Variants in TRAPPC10 observed in about 807,000 individuals in gnomAD.
TRAPPC10 encodes the protein trafficking protein particle complex subunit 10.
TRAPPC10 carries 23 observed loss-of-function variants against 125.5 expected under a neutral mutation model. The ratio of observed to expected loss-of-function variants is 0.18; its 90% CI spans 0.13 to 0.26. The LOEUF is 0.26. TRAPPC10 is among the 10% of genes least tolerant of loss of function. The pLI is 1.00. For missense variants in TRAPPC10, 1,123 were observed against 1,308.4 expected (o/e 0.86, Z 2.19); for synonymous variants, 509 against 518.0 (o/e 0.98, Z 0.24).
At chr21:44,071,823 G>A (rs2036891360) in intron 7 of TRAPPC10, among the ~76,000 whole-genome samples, 1 of 152,220 alleles carries the variant, frequency 6.6e-6, no homozygotes, top group Admixed American at 6.5e-5. Context: ...CAGGCCCGGG[G>A]GAGGCTTTGC....
chr21:44,070,100 C>CA (rs1569192475), intron 7 of TRAPPC10, among the ~76,000 whole-genome samples: 1 of 152,096 alleles, frequency 6.6e-6, no homozygotes, highest in East Asian at 1.9e-4. Flanking sequence ...TGGTGACTGG[C>CA]AGGGAGTTCC....
chr21:44,083,316 GTGGGAACTTGA>G lies in TRAPPC10; in HGVS notation c.2238+15_2238+25del. On this transcript the variant is annotated intron_variant, in intron 14 of 22. Coordinates refer to ENST00000291574, the MANE Select transcript of TRAPPC10 (RefSeq NM_003274.5). The stretch of plus-strand genomic sequence containing the variant: ...TTCAGGACTCAGGTATGCGTTCAGG[GTGGGAACTTGA>G]CTTTCAAGTTTGTAAAGCAGGGCCG... The G allele has an allele frequency of 6.2e-7, 1 of 1,605,762 alleles. No homozygotes were observed. The highest frequency in any genetic ancestry group is 8.5e-7 in the Non-Finnish European group (1 of 1,175,060).
intron 7 of TRAPPC10, among the ~76,000 whole-genome samples, chr21:44,065,654 A>C (rs1270181738): frequency 6.6e-6 from 1 of 152,196 alleles, no homozygotes; most frequent in African/African-American, 2.4e-5. Context: ...TGATGCACAC[A>C]GCTGGCTGCG....
chr21:44,046,286 C>G, intron 3 of TRAPPC10: 1 of 239,442 alleles, frequency 4.2e-6, no homozygotes, highest in South Asian at 7.1e-5. Context: ...ACTGGAATCA[C>G]CAACACTGGA....
At chr21:44,033,473 C>A (rs1470152591) in intron 2 of TRAPPC10, among the ~76,000 whole-genome samples, 3 of 151,332 alleles carry the variant, frequency 2.0e-5, no homozygotes, top group African/African-American at 7.3e-5. Context: ...AAGAGTTTAG[C>A]AAATGGAGTA....
intron 7 of TRAPPC10, among the ~76,000 whole-genome samples, chr21:44,072,034 G>T (rs2255828): frequency 0.37 from 55,789 of 152,164 alleles, 14,242 homozygotes; most frequent in African/African-American, 0.73. Flanking sequence ...TTTGTTGTTT[G>T]TACCCCAGAA....
chr21:44,093,974 C>T (rs2038755958), intron 19 of TRAPPC10, 89 bp from the exon 20 acceptor site: 1 of 1,406,756 alleles, frequency 7.1e-7, no homozygotes, highest in Non-Finnish European at 9.7e-7. Context: ...GCTCAGCACC[C>T]TTCGCATGGC....
Position 44,059,366 on chromosome 21 carries a change from C to T in TRAPPC10, c.790+152C>T. The T allele has an allele frequency of 1.4e-6, 1 of 695,402 alleles. No homozygotes were observed. Among genetic ancestry groups the T allele is most frequent in the Admixed American group, 2.2e-5 (1 of 44,466 alleles). 43.1% of individuals were successfully genotyped at this position (695,402 alleles called of 1,614,324 possible). A position where few individuals can be genotyped will look rare whatever the true frequency, so the allele number is the denominator to read the frequency against. The stretch of plus-strand genomic sequence containing the variant: ...TATATCGGATATATTCTCGTGATTC[C>T]TAGAGGAAATGAAATGAGAATTAAG... On this transcript the variant is annotated intron_variant, in intron 6 of 22. Coordinates refer to ENST00000291574, the MANE Select transcript of TRAPPC10 (RefSeq NM_003274.5). The surrounding 1 kb of genome is among the most constrained non-coding windows in gnomAD (Gnocchi z 4.4).
chr21:44,079,295 C>A lies in TRAPPC10; in HGVS notation c.1470-269C>A, dbSNP rs143620845. On this transcript the variant is annotated intron_variant, in intron 11 of 22. Coordinates refer to ENST00000291574, the MANE Select transcript of TRAPPC10 (RefSeq NM_003274.5). The stretch of plus-strand genomic sequence containing the variant: ...CTGAGATTCAGCTATGAAAGTTCCT[C>A]GACATGTGTATAAAGCCAGACCAAC... Among the ~76,000 whole-genome samples the A allele has an allele frequency of 2.0e-5, 3 of 152,118 alleles. No individual in the cohort carries two copies. In the South Asian group the frequency reaches 6.2e-4, roughly 32 times the overall value.
chr21:44,039,694 G>T (rs967910775), intron 3 of TRAPPC10, among the ~76,000 whole-genome samples: 1 of 152,134 alleles, frequency 6.6e-6, no homozygotes, highest in South Asian at 2.1e-4. Flanking sequence ...GTGAAACCCC[G>T]TCTCTACTAA....
At chr21:44,012,854 G>A (rs2031302114) in intron 1 of TRAPPC10, among the ~76,000 whole-genome samples, 1 of 151,946 alleles carries the variant, frequency 6.6e-6, no homozygotes, top group Admixed American at 6.6e-5. Context: ...CGGCGTCGAG[G>A]GCGAGGAGCG....
At chr21:44,032,356 T>A (rs1458919955) in intron 2 of TRAPPC10, among the ~76,000 whole-genome samples, 184 bp downstream of exon 2, 1 of 151,946 alleles carries the variant, frequency 6.6e-6, no homozygotes, top group Non-Finnish European at 1.5e-5. Context: ...TGGGTCTTAT[T>A]CTTTATGGAA....
rs371459180 is a variant in TRAPPC10, at chr21:44,052,427, T to A, written c.433T>A (p.Ser145Thr). 1 of 1,611,650 alleles carries A rather than the reference T, an allele frequency of 6.2e-7. No individual in the cohort carries two copies. Among genetic ancestry groups the A allele is most frequent in the African/African-American group, 1.3e-5 (1 of 74,780 alleles). The change falls in exon 4 of 23, where the codon TCT (serine) becomes ACT (threonine). Residue 145 changes from serine (S) to threonine (T), a missense_variant. Transcript: ENST00000291574. ...KNKTNILPRTSIVDKIRNDFC... is the reference protein window; with the variant it reads ...KNKTNILPRTTIVDKIRNDFC... ...CAAAACCAACATCCTTCCCCGAACC[T>A]CTATTGTGGACAAAATAAGAAATGA...
At chr21:44,073,806 G>A (rs1369771749) in intron 7 of TRAPPC10, among the ~76,000 whole-genome samples, 4 of 151,982 alleles carry the variant, frequency 2.6e-5, no homozygotes, top group Admixed American at 6.6e-5. Flanking sequence ...GTAATTCCTC[G>A]TGTGATATTT....
chr21:44,019,159 T>A (rs2032209491), intron 1 of TRAPPC10, among the ~76,000 whole-genome samples: 1 of 152,030 alleles, frequency 6.6e-6, no homozygotes, highest in Admixed American at 6.6e-5. Flanking sequence ...TGGGGTCAGG[T>A]GATTCTCCCA....
chr21:44,078,550 C>T (rs1355252055), intron 11 of TRAPPC10, among the ~76,000 whole-genome samples: 3 of 151,596 alleles, frequency 2.0e-5, no homozygotes, highest in Non-Finnish European at 1.5e-5. Context: ...TGTGAATTGG[C>T]TGGAAAGGGA....
Position 44,083,137 on chromosome 21 carries a change from G to T in TRAPPC10, c.2073G>T (p.Thr691=), listed in dbSNP as rs1044685726. The change falls in exon 14 of 23, where the codon ACG becomes ACT. Residue 691 remains threonine (T), a synonymous_variant. Transcript: ENST00000291574. The part of the protein sequence containing the change: ...ERSPSDNSLN[T]TGIICRNVHM... ...GCCCATCTGATAACTCCTTGAACAC[G>T]ACTGGGATTATCTGCAGAAACGTCC... The T allele has an allele frequency of 1.9e-6, 3 of 1,614,030 alleles. No homozygotes were observed. The highest frequency in any genetic ancestry group is 1.3e-5 in the African/African-American group (1 of 74,900).
chr21:44,017,976 C>A (rs2032060015), intron 1 of TRAPPC10, among the ~76,000 whole-genome samples: 1 of 151,906 alleles, frequency 6.6e-6, no homozygotes, highest in South Asian at 2.1e-4. Context: ...TTTGGGAACC[C>A]GTGCTGTTAG....
chr21:44,046,104 A>T (rs2034787033), intron 3 of TRAPPC10, among the ~76,000 whole-genome samples: 1 of 152,202 alleles, frequency 6.6e-6, no homozygotes, highest in African/African-American at 2.4e-5. Flanking sequence ...CAGTCAACTC[A>T]GTCAAAACCC....
Sources: gnomAD v4.1 joint callset for allele counts (sites outside exome capture counted in the v4.1 genomes callset) on GRCh38, gnomAD v4.1.1 for gene constraint, Gnocchi (gnomAD v3.1) non-coding constraint, MANE v1.5 for transcripts, NCBI Gene and HGNC (gene_info 2026-07-23, HGNC 2026-07-21) for gene names.